Variants in FGD4 observed in about 807,000 individuals in gnomAD.
FGD4 encodes FYVE, RhoGEF and PH domain-containing protein 4.
In FGD4, 42 loss-of-function variants were observed where a neutral mutation model predicts 102.0. The ratio of observed to expected loss-of-function variants is 0.41; its 90% CI spans 0.32 to 0.53. The LOEUF (loss-of-function observed/expected upper bound fraction) is 0.53. Ranked by LOEUF, FGD4 falls within the 20% of genes least tolerant of loss-of-function variation. FGD4 has a pLI of 0.21. For synonymous variants in FGD4, 380 were observed against 375.7 expected (o/e 1.01, Z -0.13); for missense variants, 902 against 1,078.2 (o/e 0.84, Z 2.29).
intron 1 of FGD4, among the ~76,000 whole-genome samples, chr12:32,547,652 G>GT (rs1347608300): frequency 6.6e-6 from 1 of 152,222 alleles, no homozygotes; most frequent in Non-Finnish European, 1.5e-5. Flanking sequence ...ACTAACAGTA[G>GT]TAAGAATAGC....
chr12:32,463,943 T>C (rs1943178906), intron 1 of FGD4, among the ~76,000 whole-genome samples: 1 of 152,180 alleles, frequency 6.6e-6, no homozygotes, highest in Non-Finnish European at 1.5e-5. Context: ...TATAAAGTGA[T>C]CCCATGAAGA....
At chr12:32,400,427 G>T (rs181706549) in intron 1 of FGD4, among the ~76,000 whole-genome samples, 61 of 152,260 alleles carry the variant, frequency 4.0e-4, no homozygotes, top group African/African-American at 1.4e-3. Context: ...TTAAAGGGAC[G>T]CTTGACTCCC....
chr12:32,517,961 TA>T (rs1395568339), intron 1 of FGD4, among the ~76,000 whole-genome samples: 1 of 148,402 alleles, frequency 6.7e-6, no homozygotes, highest in African/African-American at 2.4e-5. Context: ...CCAATATCGT[TA>T]GTATTTTTTT....
At chr12:32,624,368 C>A in intron 11 of FGD4, 54 bp from the exon 12 acceptor site, 1 of 1,319,084 alleles carries the variant, frequency 7.6e-7, no homozygotes, top group Non-Finnish European at 1.1e-6. Flanking sequence ...TTTTATTCAC[C>A]CAGTGTGAAT....
chr12:32,473,516 G>A (rs555393599), intron 1 of FGD4, among the ~76,000 whole-genome samples: 11 of 151,820 alleles, frequency 7.2e-5, no homozygotes, highest in African/African-American at 1.7e-4. Context: ...CCACCAGAAG[G>A]AAGAAACTCC....
chr12:32,440,074 G>T (rs967246712), intron 1 of FGD4, among the ~76,000 whole-genome samples: 1 of 152,122 alleles, frequency 6.6e-6, no homozygotes, highest in Non-Finnish European at 1.5e-5. Flanking sequence ...ATTTCTTTGA[G>T]TTTCCTCAAC....
chr12:32,492,116 CTG>C (rs1944115484), intron 1 of FGD4, among the ~76,000 whole-genome samples: 1 of 152,184 alleles, frequency 6.6e-6, no homozygotes, highest in African/African-American at 2.4e-5. Context: ...TAGGAGGAAA[CTG>C]TACATCAGCT....
intron 2 of FGD4, among the ~76,000 whole-genome samples, chr12:32,568,917 A>G (rs1945408614): frequency 6.6e-6 from 1 of 152,188 alleles, no homozygotes; most frequent in Non-Finnish European, 1.5e-5. Flanking sequence ...TGGGTGTAAT[A>G]AAACCCATCT....
At chr12:32,413,973 CTTT>C (rs34824025) in intron 1 of FGD4, among the ~76,000 whole-genome samples, 3 of 129,246 alleles carry the variant, frequency 2.3e-5, no homozygotes, top group Non-Finnish European at 1.6e-5. Flanking sequence ...CTTGAGGATA[CTTT>C]TTTTTTTTTT....
At chr12:32,424,759 T>C (rs2632326) in intron 1 of FGD4, among the ~76,000 whole-genome samples, 82,322 of 151,958 alleles carry the variant, frequency 0.54, 23,574 homozygotes, top group African/African-American at 0.74. Flanking sequence ...TAATGAATGC[T>C]ATTCTAACTG....
chr12:32,551,884 G>A (rs1401906438), intron 1 of FGD4, among the ~76,000 whole-genome samples: 3 of 152,048 alleles, frequency 2.0e-5, no homozygotes, highest in East Asian at 1.9e-4. Flanking sequence ...TTAAAAATTC[G>A]GCATTTATCT....
At chr12:32,625,534 T>C (rs1950105918) in intron 13 of FGD4, 120 bp from the exon 14 acceptor site, 4 of 1,303,878 alleles carry the variant, frequency 3.1e-6, no homozygotes, top group Non-Finnish European at 4.2e-6. Context: ...CTTCCGAAAG[T>C]GCTGGGATTA....
chr12:32,562,824 G>A (rs1342112802), intron 1 of FGD4, among the ~76,000 whole-genome samples: 1 of 152,206 alleles, frequency 6.6e-6, no homozygotes, highest in African/African-American at 2.4e-5. Flanking sequence ...TTTCTACACA[G>A]ACACGGCAAC....
intron 1 of FGD4, among the ~76,000 whole-genome samples, chr12:32,520,440 G>GTT (rs1167066001): frequency 2.2e-5 from 3 of 134,102 alleles, no homozygotes; most frequent in South Asian, 2.4e-4. Context: ...TTTGTTTTTT[G>GTT]TTTTTTTTTT....
intron 2 of FGD4, among the ~76,000 whole-genome samples, chr12:32,569,344 T>C (rs1945453014): frequency 1.3e-5 from 2 of 152,178 alleles, no homozygotes; most frequent in South Asian, 4.1e-4. Context: ...CAGGGACTTC[T>C]CATTTCATGC....
At chr12:32,537,885 G>GT (rs1300887725) in intron 1 of FGD4, among the ~76,000 whole-genome samples, 7 of 152,026 alleles carry the variant, frequency 4.6e-5, no homozygotes, top group African/African-American at 1.7e-4. Context: ...CGTTATAGCA[G>GT]TTTTTTTGTT....
intron 1 of FGD4, among the ~76,000 whole-genome samples, chr12:32,505,822 GT>G (rs1255820699): frequency 6.6e-6 from 1 of 151,776 alleles, no homozygotes; most frequent in East Asian, 1.9e-4. Flanking sequence ...TAAATCCTGT[GT>G]TTTTTTTATT....
intron 1 of FGD4, among the ~76,000 whole-genome samples, chr12:32,402,755 T>C (rs958199458): frequency 9.5e-5 from 12 of 126,316 alleles, no homozygotes; most frequent in African/African-American, 4.4e-4. Context: ...CGAAAAGTAA[T>C]TATCTTAATA....
At chr12:32,601,039 C>T (rs950695931) in intron 5 of FGD4, among the ~76,000 whole-genome samples, 3 of 152,138 alleles carry the variant, frequency 2.0e-5, no homozygotes, top group Admixed American at 2.0e-4. Flanking sequence ...AATTATTCGC[C>T]ATAATATTCC....
Sources: allele counts gnomAD v4.1 joint callset (sites outside exome capture counted in the v4.1 genomes callset), GRCh38; gene constraint gnomAD v4.1.1; transcripts MANE v1.5; gene names NCBI Gene and HGNC (gene_info 2026-07-23, HGNC 2026-07-21).